IPO13: variants seen among roughly 807,000 people sequenced by gnomAD.
IPO13 encodes the protein importin 13.
A neutral mutation model predicts 115.5 loss-of-function variants in IPO13; 28 were observed. The ratio of observed to expected loss-of-function variants is 0.24; its 90% CI spans 0.18 to 0.33. The LOEUF is 0.33. Among genes scored for constraint, IPO13 ranks in the 10% least tolerant of loss-of-function variants. The pLI, the probability that IPO13 is intolerant of heterozygous loss-of-function variation, is 1.00. For synonymous variants in IPO13, 414 were observed against 478.9 expected (o/e 0.86, Z 1.77); for missense variants, 785 against 1,204.6 (o/e 0.65, Z 5.16).
At chr1:43,955,791 A>T (rs931941636) in intron 2 of IPO13, among the ~76,000 whole-genome samples, 2 of 152,118 alleles carry the variant, frequency 1.3e-5, no homozygotes, top group Non-Finnish European at 2.9e-5. Context: ...ACTTAATTTG[A>T]CCCATGACAG....
chr1:43,948,724 C>A (rs774527631), intron 1 of IPO13, among the ~76,000 whole-genome samples: 1 of 152,228 alleles, frequency 6.6e-6, no homozygotes, highest in Non-Finnish European at 1.5e-5. Flanking sequence ...TTTCTTACTT[C>A]ATAAAGTCCC....
Position 43,966,288 on chromosome 1 carries a change from A to G in IPO13, c.2398-287A>G. On this transcript the variant is annotated intron_variant, in intron 15 of 19. Coordinates refer to ENST00000372343, the MANE Select transcript of IPO13 (RefSeq NM_014652.4). The surrounding 1 kb of genome is among the most constrained non-coding windows in gnomAD (Gnocchi z 4.1). ...ATCTGGCCCTGATGGAGGGGGAGGG[A>G]AAGGTGTCTGGAACCCAAACTTTCT... 1.9e-6 allele frequency: 1 copy of G among 528,078 alleles called. No individual in the cohort carries two copies. Among genetic ancestry groups the G allele is most frequent in the Non-Finnish European group, 3.4e-6 (1 of 291,046 alleles). The allele number at this position is 528,078 out of a possible 1,614,324, so 32.7% of individuals were successfully genotyped here.
chr1:43,948,459 T>C (rs2085183033), intron 1 of IPO13, among the ~76,000 whole-genome samples: 1 of 152,266 alleles, frequency 6.6e-6, no homozygotes, highest in Admixed American at 6.5e-5. Context: ...GATGTTCACT[T>C]GTTATCCTTA....
intron 7 of IPO13, 105 bp downstream of exon 7, chr1:43,957,654 C>A: frequency 7.3e-7 from 1 of 1,368,428 alleles, no homozygotes. Context: ...AGCCACATGC[C>A]TACACACAAT....
chr1:43,960,351 C>T (rs1383109984), intron 12 of IPO13, 22 bp downstream of exon 12: 2 of 1,605,718 alleles, frequency 1.2e-6, no homozygotes, highest in Admixed American at 3.3e-5. Context: ...CCCTTGCCCT[C>T]CGCTCCCATA....
At chr1:43,965,185 T>G (rs1000807373) in intron 15 of IPO13, among the ~76,000 whole-genome samples, 1 of 152,002 alleles carries the variant, frequency 6.6e-6, no homozygotes, top group Non-Finnish European at 1.5e-5. Flanking sequence ...TGGAGATGCA[T>G]GTTGGGCTGT....
In IPO13 at chr1:43,967,906, C is replaced by CT; in HGVS notation, c.*225dup. On this transcript the variant is annotated 3_prime_UTR_variant, in exon 20 of 20. Transcript: ENST00000372343. The surrounding 1 kb of genome is among the most constrained non-coding windows in gnomAD (Gnocchi z 6.1). ...AGCTCCCAGGTTGGAAGAGATACTACTGTAGCCAAGCCACCTAGGCTGGAG... is the reference window on the plus strand; with the variant it reads ...AGCTCCCAGGTTGGAAGAGATACTACTTGTAGCCAAGCCACCTAGGCTGGAG... 1.7e-6 allele frequency: 1 copy of CT among 595,178 alleles called. No homozygotes were observed. The allele number at this position is 595,178 out of a possible 1,614,324, so 36.9% of individuals were successfully genotyped here.
intron 11 of IPO13, among the ~76,000 whole-genome samples, chr1:43,959,382 T>C (rs1270202818): frequency 6.6e-6 from 1 of 152,226 alleles, no homozygotes; most frequent in Non-Finnish European, 1.5e-5. Flanking sequence ...AGCAGTGTGA[T>C]AAGTCCTGTG....
intron 1 of IPO13, 133 bp from the exon 2 acceptor site, chr1:43,949,283 GC>G: frequency 1.1e-6 from 1 of 892,042 alleles, no homozygotes; most frequent in Non-Finnish European, 1.7e-6. Context: ...ACACTGCAGA[GC>G]GCTGAGCTCT....
intron 2 of IPO13, among the ~76,000 whole-genome samples, chr1:43,951,348 G>T (rs989290448): frequency 2.6e-5 from 4 of 152,308 alleles, no homozygotes; most frequent in Admixed American, 6.5e-5. Context: ...GAAGAACCCA[G>T]AGGAGGCTTT....
At position 43,958,209 on chromosome 1, in the gene IPO13, T is replaced by C. The variant is rs1173312278; in HGVS notation, c.1723-33T>C. The C allele has an allele frequency of 1.2e-6, 2 of 1,614,194 alleles. No individual in the cohort carries two copies. Among genetic ancestry groups the C allele is most frequent in the South Asian group, 2.2e-5 (2 of 91,086 alleles). On this transcript the variant is annotated intron_variant, in intron 8 of 19. Transcript: ENST00000372343. The surrounding 1 kb of genome is among the most constrained non-coding windows in gnomAD (Gnocchi z 6.3). Reference sequence around the variant, plus strand: ...GGGCCTCAGAGCACACTCTGCACTGTGCTGATACTACATTCCTTCTTTCTC... The same window carrying C: ...GGGCCTCAGAGCACACTCTGCACTGCGCTGATACTACATTCCTTCTTTCTC...
Position 43,967,694 on chromosome 1 carries a change from A to G in IPO13, c.*12A>G. 6.2e-7 allele frequency: 1 copy of G among 1,610,624 alleles called. No individual in the cohort carries two copies. The highest frequency in any genetic ancestry group is 2.2e-5 in the East Asian group (1 of 44,870). On this transcript the variant is annotated 3_prime_UTR_variant, in exon 20 of 20. Coordinates refer to ENST00000372343, the MANE Select transcript of IPO13 (RefSeq NM_014652.4). This position sits in a 1 kb window ranked among gnomAD's most constrained non-coding sequence, Gnocchi z 6.1. ...CAGCTGACTACTGAGGGGTGCCCCC[A>G]TCCCATCCACCCCTTCTCTTCATCC...
chr1:43,962,947 AG>A (rs1176428606), intron 14 of IPO13, among the ~76,000 whole-genome samples: 3 of 152,188 alleles, frequency 2.0e-5, no homozygotes, highest in African/African-American at 4.8e-5. Context: ...TAAATAAAGG[AG>A]GGGGAGGGCT....
In IPO13 at chr1:43,967,663, A is replaced by T; in HGVS notation, c.2873A>T (p.Asp958Val). The T allele has an allele frequency of 6.2e-7, 1 of 1,614,168 alleles. No homozygotes were observed. Among genetic ancestry groups the T allele is most frequent in the Non-Finnish European group, 8.5e-7 (1 of 1,179,974 alleles). ...CTGTGCCGGGGTCTCCATGGCACAG[A>T]TTACACAGCTGACTACTGAGGGGTG... is the stretch of plus-strand genomic sequence containing the variant. Reference protein sequence around the residue: ...TLLCRGLHGTDYTADY With the variant: ...TLLCRGLHGTVYTADY Residue 958 changes from aspartate to valine, a missense_variant, in exon 20 of 20, where the codon GAT becomes GTT. By Grantham distance (152) the Asp-to-Val change is radical. Around this residue, in one of 3 missense-constraint regions of IPO13, gnomAD observed 285 missense variants for 394.8 expected, o/e 0.72. Transcript: ENST00000372343. The surrounding 1 kb of genome is among the most constrained non-coding windows in gnomAD (Gnocchi z 6.1).
At chr1:43,959,270 T>C (rs1383004732) in intron 11 of IPO13, among the ~76,000 whole-genome samples, 1 of 152,216 alleles carries the variant, frequency 6.6e-6, no homozygotes, top group African/African-American at 2.4e-5. Flanking sequence ...TACTGTCCCC[T>C]GTGGGCACTA....
chr1:43,962,551 C>T (rs778027354), intron 14 of IPO13, among the ~76,000 whole-genome samples: 1 of 152,222 alleles, frequency 6.6e-6, no homozygotes, highest in South Asian at 2.1e-4. Flanking sequence ...AATGTCCTCT[C>T]CTGCCAATGT....
intron 2 of IPO13, 42 bp downstream of exon 2, chr1:43,950,195 C>T (rs2085198960): frequency 1.3e-6 from 2 of 1,559,636 alleles, no homozygotes; most frequent in Admixed American, 1.8e-5. Context: ...CCTCTTTGGC[C>T]AGCCACACAT....
Position 43,966,471 on chromosome 1 carries a change from C to T in IPO13, c.2398-104C>T. The T allele has an allele frequency of 8.2e-7, 1 of 1,223,840 alleles. No homozygotes were observed. The highest frequency in any genetic ancestry group is 1.2e-6 in the Non-Finnish European group (1 of 839,470). The allele number at this position is 1,223,840 out of a possible 1,614,324, so 75.8% of individuals were successfully genotyped here. A position where few individuals can be genotyped will look rare whatever the true frequency, so the allele number is the denominator to read the frequency against. ...TGGCTGGGTAGCTGGTTTTGGCAGC[C>T]TCTACCTGTGAGGTGTGAAGTTGGG... On this transcript the variant is annotated intron_variant, in intron 15 of 19. Transcript: ENST00000372343. This position sits in a 1 kb window ranked among gnomAD's most constrained non-coding sequence, Gnocchi z 4.1.
Position 43,964,291 on chromosome 1 carries a change from T to G in IPO13, c.2367T>G (p.Ile789Met), listed in dbSNP as rs1215255184. ...FQQGPRDHPD[I>M]VDSFMQLLAQ... Reference sequence around the variant, plus strand: ...TAGGGCCCAGGGATCATCCTGATATTGTTGATTCATTTATGCAACTCCTGG... The same window carrying G: ...TAGGGCCCAGGGATCATCCTGATATGGTTGATTCATTTATGCAACTCCTGG... Residue 789 changes from isoleucine (I) to methionine (M), a missense_variant, in exon 15 of 20, where the codon ATT becomes ATG. This residue lies in a region of IPO13 where 285 missense variants were observed against 394.8 expected (regional missense o/e 0.72). Coordinates refer to ENST00000372343, the MANE Select transcript of IPO13 (RefSeq NM_014652.4). The G allele has an allele frequency of 6.2e-7, 1 of 1,610,830 alleles. No homozygotes were observed. Among genetic ancestry groups the G allele is most frequent in the Non-Finnish European group, 8.5e-7 (1 of 1,177,234 alleles).
Sources: allele counts gnomAD v4.1 joint callset (sites outside exome capture counted in the v4.1 genomes callset), GRCh38; gene constraint gnomAD v4.1.1; regional missense constraint gnomAD v4.1.1; non-coding constraint Gnocchi (gnomAD v3.1); transcripts MANE v1.5; gene names NCBI Gene and HGNC (gene_info 2026-07-23, HGNC 2026-07-21).